PPP2R5E: variants seen among roughly 807,000 people sequenced by gnomAD.
PPP2R5E encodes the protein protein phosphatase 2 regulatory subunit B'epsilon, also known as serine/threonine-protein phosphatase 2A 56 kDa regulatory subunit epsilon isoform.
In PPP2R5E, 4 loss-of-function variants were observed where a neutral mutation model predicts 65.3. That is an observed-to-expected ratio of 0.06 (90% CI 0.03 to 0.14). The LOEUF (loss-of-function observed/expected upper bound fraction) is 0.14. Ranked by LOEUF, PPP2R5E falls within the 10% of genes least tolerant of loss-of-function variation. The pLI is 1.00. For synonymous variants in PPP2R5E, 183 were observed against 187.4 expected (o/e 0.98, Z 0.19); for missense variants, 274 against 556.1 (o/e 0.49, Z 5.10).
intron 6 of PPP2R5E, among the ~76,000 whole-genome samples, chr14:63,396,183 A>G (rs1594826173): frequency 1.7e-5 from 1 of 57,278 alleles, no homozygotes; most frequent in Non-Finnish European, 3.3e-5. Flanking sequence ...GGAGGAGGAG[A>G]GAGGAGAGGA....
At chr14:63,412,750 T>C (rs1436002561) in intron 5 of PPP2R5E, among the ~76,000 whole-genome samples, 1 of 152,202 alleles carries the variant, frequency 6.6e-6, no homozygotes, top group Non-Finnish European at 1.5e-5. Flanking sequence ...TGGGGATAAC[T>C]GAATGAAGAG....
intron 2 of PPP2R5E, among the ~76,000 whole-genome samples, chr14:63,518,394 A>T (rs1161110314): frequency 6.6e-6 from 1 of 151,570 alleles, no homozygotes; most frequent in Non-Finnish European, 1.5e-5. Context: ...GGTATACATC[A>T]CCATGCCAGG....
chr14:63,504,949 G>A (rs1892087511), intron 2 of PPP2R5E, among the ~76,000 whole-genome samples: 1 of 152,206 alleles, frequency 6.6e-6, no homozygotes, highest in Non-Finnish European at 1.5e-5. Context: ...AGAAGATGGG[G>A]ATCATTAAGG....
At chr14:63,487,100 A>G (rs544474988) in intron 2 of PPP2R5E, among the ~76,000 whole-genome samples, 8 of 152,282 alleles carry the variant, frequency 5.3e-5, no homozygotes, top group African/African-American at 1.9e-4. Flanking sequence ...CTGTCCATAA[A>G]CCCACATCTA....
At chr14:63,421,771 G>A (rs1024640540) in intron 4 of PPP2R5E, among the ~76,000 whole-genome samples, 1 of 152,184 alleles carries the variant, frequency 6.6e-6, no homozygotes, top group Non-Finnish European at 1.5e-5. Context: ...GGCTGTACCT[G>A]CAACGTGGGG....
chr14:63,469,431 G>A (rs1172014263), intron 2 of PPP2R5E, among the ~76,000 whole-genome samples: 3 of 152,168 alleles, frequency 2.0e-5, no homozygotes, highest in East Asian at 1.9e-4. Flanking sequence ...GGTGGCTCAC[G>A]CCTGTAATCC....
intron 2 of PPP2R5E, among the ~76,000 whole-genome samples, chr14:63,537,285 A>C (rs1483084769): frequency 6.6e-6 from 1 of 152,142 alleles, no homozygotes; most frequent in Non-Finnish European, 1.5e-5. Flanking sequence ...CTTTACAGAT[A>C]CAGAAGTTAA....
intron 2 of PPP2R5E, among the ~76,000 whole-genome samples, chr14:63,504,665 C>CA (rs1018257398): frequency 3.3e-5 from 5 of 152,020 alleles, no homozygotes; most frequent in Non-Finnish European, 5.9e-5. Context: ...GAATGAGATA[C>CA]AAAAAACAAG....
intron 2 of PPP2R5E, among the ~76,000 whole-genome samples, chr14:63,507,643 G>C (rs375891158): frequency 1.1e-4 from 15 of 134,242 alleles, no homozygotes; most frequent in African/African-American, 3.4e-4. Context: ...GCAGTGGTGT[G>C]ATCTCAGCTC....
intron 2 of PPP2R5E, among the ~76,000 whole-genome samples, chr14:63,521,394 C>A (rs556248885): frequency 2.6e-5 from 4 of 152,008 alleles, no homozygotes; most frequent in African/African-American, 9.7e-5. Flanking sequence ...GTTGGCCGGG[C>A]GCAGTGGCTC....
At chr14:63,397,786 C>T (rs1594828502) in intron 5 of PPP2R5E, among the ~76,000 whole-genome samples, 1 of 149,992 alleles carries the variant, frequency 6.7e-6, no homozygotes, top group South Asian at 2.1e-4. Context: ...TGCAGTGGCA[C>T]GATCTCAGCT....
At chr14:63,428,846 A>G (rs1411541342) in intron 3 of PPP2R5E, among the ~76,000 whole-genome samples, 2 of 152,232 alleles carry the variant, frequency 1.3e-5, no homozygotes, top group Admixed American at 6.5e-5. Context: ...ATTACTGCAG[A>G]AAAAAAATCA....
chr14:63,465,450 CAA>C (rs1171345415), intron 2 of PPP2R5E, among the ~76,000 whole-genome samples: 25 of 47,382 alleles, frequency 5.3e-4, no homozygotes, highest in African/African-American at 1.7e-3. Context: ...TCCACCTCTA[CAA>C]AAAAAAAAAA....
At chr14:63,420,392 A>G (rs970862598) in intron 4 of PPP2R5E, among the ~76,000 whole-genome samples, 3 of 152,212 alleles carry the variant, frequency 2.0e-5, no homozygotes, top group African/African-American at 7.2e-5. Flanking sequence ...ATACCTATGA[A>G]AAGCACAAAT....
chr14:63,489,338 T>C (rs991681449), intron 2 of PPP2R5E, among the ~76,000 whole-genome samples: 3 of 152,038 alleles, frequency 2.0e-5, no homozygotes, highest in Admixed American at 6.6e-5. Context: ...CCAAAACTCT[T>C]CTTCATGGAT....
intron 2 of PPP2R5E, among the ~76,000 whole-genome samples, chr14:63,518,487 T>A (rs1195701084): frequency 6.6e-6 from 1 of 152,168 alleles, no homozygotes; most frequent in Non-Finnish European, 1.5e-5. Context: ...CAAGAGATCC[T>A]CCCGTCTCAG....
intron 2 of PPP2R5E, among the ~76,000 whole-genome samples, chr14:63,506,382 C>T (rs148542160): frequency 0.029 from 4,362 of 152,124 alleles, 211 homozygotes; most frequent in African/African-American, 0.1. Flanking sequence ...ACCCGGGAGG[C>T]GGACCTTGCA....
At chr14:63,443,958 C>CA (rs1888356366) in intron 3 of PPP2R5E, among the ~76,000 whole-genome samples, 1 of 152,212 alleles carries the variant, frequency 6.6e-6, no homozygotes, top group African/African-American at 2.4e-5. Flanking sequence ...TCCAATAAAA[C>CA]AGTCTCCTAA....
chr14:63,385,241 G>A (rs1244177165), intron 11 of PPP2R5E, among the ~76,000 whole-genome samples: 1 of 152,066 alleles, frequency 6.6e-6, no homozygotes, highest in Non-Finnish European at 1.5e-5. Context: ...TGGGAGGACT[G>A]CTTGAGCCTG....
Sources: gnomAD v4.1 joint callset for allele counts (sites outside exome capture counted in the v4.1 genomes callset) on GRCh38, gnomAD v4.1.1 for gene constraint, MANE v1.5 for transcripts, NCBI Gene and HGNC (gene_info 2026-07-23, HGNC 2026-07-21) for gene names.